Variants in LRBA observed in about 807,000 individuals in gnomAD.
LRBA encodes the protein LPS responsive beige-like anchor protein.
Under a neutral mutation model 330.0 loss-of-function variants are expected in LRBA, and 176 were observed. The ratio of observed to expected loss-of-function variants is 0.53; its 90% CI spans 0.47 to 0.60. The LOEUF (loss-of-function observed/expected upper bound fraction) is 0.60. Among genes scored for constraint, LRBA ranks in the 20% least tolerant of loss-of-function variants. The pLI, the probability that LRBA is intolerant of heterozygous loss-of-function variation, is 0.00. For synonymous variants in LRBA, 1,230 were observed against 1,193.0 expected (o/e 1.03, Z -0.64); for missense variants, 3,259 against 3,444.8 (o/e 0.95, Z 1.35).
intron 35 of LRBA, among the ~76,000 whole-genome samples, chr4:150,751,889 G>C (rs1029252407): frequency 6.6e-6 from 1 of 152,072 alleles, no homozygotes; most frequent in Non-Finnish European, 1.5e-5. Flanking sequence ...TCTAGACCTT[G>C]GGTAAGCACA....
chr4:150,583,780 C>G lies in LRBA; in HGVS notation c.6330+4268G>C, dbSNP rs757686291. 3 of 1,614,170 alleles carry G rather than the reference C, an allele frequency of 1.9e-6. No homozygotes were observed. Among genetic ancestry groups the G allele is most frequent in the Non-Finnish European group, 2.5e-6 (3 of 1,180,034 alleles). The stretch of plus-strand genomic sequence containing the variant: ...GATGGGCGGCTGCCGAAACAAGTGC[C>G]TCTCAGTGCTGAAGACTCTGCGGGA... On this transcript the variant is annotated intron_variant, in intron 40 of 56. Coordinates refer to ENST00000651943, the MANE Select transcript of LRBA (RefSeq NM_001364905.1). This position sits in a 1 kb window ranked among gnomAD's most constrained non-coding sequence, Gnocchi z 9.8.
At chr4:150,812,816 T>C (rs941166529) in intron 31 of LRBA, among the ~76,000 whole-genome samples, 25 of 152,202 alleles carry the variant, frequency 1.6e-4, no homozygotes, top group Non-Finnish European at 1.0e-4. Context: ...AGTTCCACTA[T>C]TGAGCTAGTT....
intron 37 of LRBA, among the ~76,000 whole-genome samples, chr4:150,657,236 T>A (rs1034909301): frequency 6.6e-5 from 10 of 152,198 alleles, no homozygotes; most frequent in Non-Finnish European, 1.3e-4. Context: ...GCAAAGAACA[T>A]TTTACGCTTA....
At chr4:151,005,907 C>T (rs143436347) in intron 2 of LRBA, among the ~76,000 whole-genome samples, 108 of 152,226 alleles carry the variant, frequency 7.1e-4, no homozygotes, top group African/African-American at 2.3e-3. Flanking sequence ...CCCGGCAACA[C>T]TGTTCTCTTA....
intron 22 of LRBA, among the ~76,000 whole-genome samples, chr4:150,864,579 T>G (rs1752426796): frequency 6.6e-6 from 1 of 150,862 alleles, no homozygotes; most frequent in Non-Finnish European, 1.5e-5. Flanking sequence ...TCCACCCTCA[T>G]ACAGCTATGC....
At chr4:150,943,338 C>T (rs898429300) in intron 2 of LRBA, among the ~76,000 whole-genome samples, 2 of 152,180 alleles carry the variant, frequency 1.3e-5, no homozygotes, top group African/African-American at 4.8e-5. Context: ...CCAGGCTGGA[C>T]TTGAACTTCT....
At chr4:150,323,971 T>C (rs1732897276) in intron 49 of LRBA, among the ~76,000 whole-genome samples, 1 of 152,220 alleles carries the variant, frequency 6.6e-6, no homozygotes, top group South Asian at 2.1e-4. Flanking sequence ...CTCTGGTTTC[T>C]TTTTAAACTG....
At chr4:150,400,517 A>G (rs1333145104) in intron 47 of LRBA, among the ~76,000 whole-genome samples, 1 of 152,218 alleles carries the variant, frequency 6.6e-6, no homozygotes, top group Non-Finnish European at 1.5e-5. Flanking sequence ...ATACAGCTCA[A>G]TAAAAATGAA....
At chr4:150,270,525 G>T (rs182291009) in intron 56 of LRBA, among the ~76,000 whole-genome samples, 22 of 152,272 alleles carry the variant, frequency 1.4e-4, no homozygotes, top group African/African-American at 5.3e-4. Flanking sequence ...CACATGAGCT[G>T]GTGGGAGAGA....
chr4:150,582,013 G>A (rs1049466709), intron 40 of LRBA: 26 of 150,216 alleles, frequency 1.7e-4, no homozygotes, highest in African/African-American at 6.4e-4. Flanking sequence ...AGGGGGGCGG[G>A]GGAGAGAAGC....
intron 37 of LRBA, among the ~76,000 whole-genome samples, chr4:150,664,851 T>C (rs1297648325): frequency 2.6e-5 from 4 of 152,190 alleles, no homozygotes; most frequent in African/African-American, 9.7e-5. Context: ...TTTTCTTTTA[T>C]AAAATAAAAC....
At chr4:150,881,205 C>G (rs1389501885) in intron 17 of LRBA, among the ~76,000 whole-genome samples, 10 of 152,154 alleles carry the variant, frequency 6.6e-5, no homozygotes, top group Non-Finnish European at 1.2e-4. Context: ...CTACCAACAA[C>G]ACATGCACTC....
intron 44 of LRBA, among the ~76,000 whole-genome samples, chr4:150,465,226 C>A (rs2152057450): frequency 6.6e-6 from 1 of 152,188 alleles, no homozygotes; most frequent in African/African-American, 2.4e-5. Context: ...TAGCATATGT[C>A]AGAGCTTCCT....
intron 38 of LRBA, among the ~76,000 whole-genome samples, chr4:150,596,002 A>C (rs989344704): frequency 6.6e-6 from 1 of 152,008 alleles, no homozygotes; most frequent in Non-Finnish European, 1.5e-5. Flanking sequence ...AATTTCCATA[A>C]AGAATACTTA....
chr4:150,539,516 A>C (rs962136808), intron 40 of LRBA, among the ~76,000 whole-genome samples: 1 of 152,232 alleles, frequency 6.6e-6, no homozygotes, highest in Admixed American at 6.5e-5. Context: ...TCTGAAATAA[A>C]TCTAAACAAG....
At chr4:150,569,155 T>C (rs2152281228) in intron 40 of LRBA, among the ~76,000 whole-genome samples, 1 of 152,186 alleles carries the variant, frequency 6.6e-6, no homozygotes, top group East Asian at 1.9e-4. Context: ...TAGATGCATC[T>C]TTCCAACATC....
chr4:150,700,278 T>A (rs576274648), intron 36 of LRBA, among the ~76,000 whole-genome samples: 4 of 152,296 alleles, frequency 2.6e-5, no homozygotes, highest in Non-Finnish European at 4.4e-5. Context: ...AGGGCATACA[T>A]CATACTGTTT....
chr4:150,912,715 A>G (rs965091615), intron 9 of LRBA, among the ~76,000 whole-genome samples: 6 of 152,006 alleles, frequency 3.9e-5, no homozygotes, highest in African/African-American at 1.2e-4. Flanking sequence ...TTCTGCTCGG[A>G]TTTTTATCAT....
At chr4:150,599,188 C>A in intron 37 of LRBA, 57 bp from the exon 38 acceptor site, 6 of 1,587,032 alleles carry the variant, frequency 3.8e-6, no homozygotes, top group Non-Finnish European at 5.2e-6. Context: ...CGTGGTAGCA[C>A]TGAATTTCTG....
Sources: gnomAD v4.1 joint callset for allele counts (sites outside exome capture counted in the v4.1 genomes callset) on GRCh38, gnomAD v4.1.1 for gene constraint, Gnocchi (gnomAD v3.1) non-coding constraint, MANE v1.5 for transcripts, NCBI Gene and HGNC (gene_info 2026-07-23, HGNC 2026-07-21) for gene names.